PCDHA13: variants seen among roughly 807,000 people sequenced by gnomAD.
The protein encoded by PCDHA13 is protocadherin alpha 13, also known as protocadherin alpha-13.
A neutral mutation model predicts 64.8 loss-of-function variants in PCDHA13; 54 were observed. The observed-to-expected ratio is 0.83, with a 90% CI of 0.67 to 1.04. The LOEUF (loss-of-function observed/expected upper bound fraction) is 1.04. Among genes scored for constraint, PCDHA13 ranks in the 50% least tolerant of loss-of-function variants. The probability of loss-of-function intolerance (pLI) is 0.00; values close to 1 mark genes in which losing one functional copy is unlikely to be tolerated. For missense variants in PCDHA13, 1,248 were observed against 1,254.3 expected, an observed-to-expected ratio of 0.99 and a Z score of 0.08; for synonymous variants, 587 against 564.4, an observed-to-expected ratio of 1.04 and a Z score of -0.57.
chr5:140,887,955 CTTTT>C (rs2061644555), intron 1 of PCDHA13, among the ~76,000 whole-genome samples: 2 of 152,088 alleles, frequency 1.3e-5, no homozygotes, highest in African/African-American at 4.8e-5. Flanking sequence ...GTATAAGATT[CTTTT>C]TGTCTCTTTT....
intron 1 of PCDHA13, among the ~76,000 whole-genome samples, chr5:140,907,595 A>C (rs1278261727): frequency 6.6e-6 from 1 of 152,198 alleles, no homozygotes; most frequent in African/African-American, 2.4e-5. Flanking sequence ...GATCACCCTG[A>C]GGAATGGTGC....
intron 1 of PCDHA13, among the ~76,000 whole-genome samples, chr5:140,902,277 A>G (rs1257357376): frequency 1.3e-5 from 2 of 149,170 alleles, no homozygotes; most frequent in African/African-American, 5.0e-5. Flanking sequence ...GGCTCAAGCA[A>G]TCCTCCTGCC....
At chr5:140,936,433 G>A (rs907839925) in intron 1 of PCDHA13, among the ~76,000 whole-genome samples, 4 of 152,126 alleles carry the variant, frequency 2.6e-5, no homozygotes, top group Admixed American at 2.6e-4. Flanking sequence ...ATTAATTTAA[G>A]CTTAAATAAC....
Position 141,011,605 on chromosome 5 carries a change from T to C in PCDHA13, c.*1668T>C, listed in dbSNP as rs971128266. On this transcript the variant is annotated 3_prime_UTR_variant, in exon 4 of 4. Coordinates refer to ENST00000289272, the MANE Select transcript of PCDHA13 (RefSeq NM_018904.3). The stretch of plus-strand genomic sequence containing the variant: ...AAGATACTGGTGATTCAAGGAATTT[T>C]ATTTATGGTCCAGCCAAGAGCCATC... 4 of 153,780 alleles carry C rather than the reference T, an allele frequency of 2.6e-5. No homozygotes were observed. Among genetic ancestry groups the C allele is most frequent in the Non-Finnish European group, 4.4e-5 (3 of 68,032 alleles). 9.5% of individuals were successfully genotyped at this position (153,780 alleles called of 1,614,324 possible). A position where few individuals can be genotyped will look rare whatever the true frequency, so the allele number is the denominator to read the frequency against.
chr5:141,002,336 C>A (rs1236741058), intron 3 of PCDHA13, among the ~76,000 whole-genome samples: 3 of 152,084 alleles, frequency 2.0e-5, no homozygotes, highest in Non-Finnish European at 2.9e-5. Flanking sequence ...TGCATCCGCA[C>A]CCCTTCCCCC....
chr5:140,896,635 C>T (rs539969970), intron 1 of PCDHA13, among the ~76,000 whole-genome samples: 4 of 152,178 alleles, frequency 2.6e-5, no homozygotes, highest in South Asian at 4.1e-4. Context: ...CCTTGGCCTC[C>T]CAAAGTGCTA....
chr5:141,000,421 A>ATAT (rs1265241806), intron 3 of PCDHA13, among the ~76,000 whole-genome samples: 11 of 27,980 alleles, frequency 3.9e-4, no homozygotes, highest in South Asian at 1.9e-3. Flanking sequence ...ATATATATAT[A>ATAT]TTTTTTTTTT....
At chr5:140,997,702 T>C (rs548432387) in intron 3 of PCDHA13, among the ~76,000 whole-genome samples, 1 of 150,740 alleles carries the variant, frequency 6.6e-6, no homozygotes, top group Non-Finnish European at 1.5e-5. Context: ...GTGTGTATGT[T>C]AACAAACACC....
intron 1 of PCDHA13, chr5:140,968,002 G>A: frequency 6.2e-7 from 1 of 1,614,208 alleles, no homozygotes; most frequent in South Asian, 1.1e-5. Flanking sequence ...CTTTCCGACT[G>A]AATGGCTTTG....
chr5:140,913,526 A>T (rs1171997127), intron 1 of PCDHA13, among the ~76,000 whole-genome samples: 1 of 151,968 alleles, frequency 6.6e-6, no homozygotes, highest in Non-Finnish European at 1.5e-5. Flanking sequence ...TTATCTTTTC[A>T]AAAGATTGAC....
intron 3 of PCDHA13, among the ~76,000 whole-genome samples, chr5:140,991,357 T>G (rs1409351374): frequency 2.6e-5 from 4 of 152,258 alleles, no homozygotes; most frequent in African/African-American, 9.6e-5. Flanking sequence ...AAAGACTATT[T>G]ACTGTCTGAG....
chr5:140,982,827 T>G (rs2097010165), intron 3 of PCDHA13, among the ~76,000 whole-genome samples: 1 of 140,992 alleles, frequency 7.1e-6, no homozygotes, highest in Non-Finnish European at 1.6e-5. Flanking sequence ...TTTTTGGGGT[T>G]TGTTTGTTTG....
At chr5:140,943,070 A>G (rs2093413648) in intron 1 of PCDHA13, among the ~76,000 whole-genome samples, 2 of 152,004 alleles carry the variant, frequency 1.3e-5, no homozygotes, top group Non-Finnish European at 2.9e-5. Context: ...CAGCCTGACC[A>G]ACATGGTGAA....
At chr5:141,006,313 G>A (rs190584023) in intron 3 of PCDHA13, among the ~76,000 whole-genome samples, 18 of 152,072 alleles carry the variant, frequency 1.2e-4, no homozygotes, top group Admixed American at 1.1e-3. Context: ...CCGGGTTCAT[G>A]CCATTCTCCT....
chr5:140,974,661 G>A (rs542677478), intron 1 of PCDHA13, among the ~76,000 whole-genome samples: 4 of 152,066 alleles, frequency 2.6e-5, no homozygotes, highest in South Asian at 4.2e-4. Context: ...ACAGGCATGC[G>A]CCACCATGCC....
intron 1 of PCDHA13, among the ~76,000 whole-genome samples, chr5:140,912,613 T>A (rs183484256): frequency 5.3e-4 from 80 of 152,290 alleles, no homozygotes; most frequent in African/African-American, 1.5e-3. Flanking sequence ...TCTTGTCTGA[T>A]TACTCTGGAT....
chr5:140,977,433 A>G (rs939711301), intron 1 of PCDHA13, among the ~76,000 whole-genome samples: 6 of 152,218 alleles, frequency 3.9e-5, no homozygotes, highest in Non-Finnish European at 7.3e-5. Flanking sequence ...TAACACCGCT[A>G]GTAGATAATG....
intron 3 of PCDHA13, among the ~76,000 whole-genome samples, chr5:141,008,972 C>T (rs1554261973): frequency 6.6e-6 from 1 of 152,148 alleles, no homozygotes; most frequent in African/African-American, 2.4e-5. Context: ...CATTTATAGC[C>T]AAAGTTTAAT....
chr5:140,988,871 A>T (rs1319139244), intron 3 of PCDHA13: 1 of 152,208 alleles, frequency 6.6e-6, no homozygotes, highest in Non-Finnish European at 1.5e-5. Context: ...GTGCACTCAG[A>T]TGTACGATCC....
Sources: allele counts gnomAD v4.1 joint callset (sites outside exome capture counted in the v4.1 genomes callset), GRCh38; gene constraint gnomAD v4.1.1; transcripts MANE v1.5; gene names NCBI Gene and HGNC (gene_info 2026-07-23, HGNC 2026-07-21).